Variants in MELK observed in about 807,000 individuals in gnomAD.
The protein encoded by MELK is pEg3 kinase.
A neutral mutation model predicts 85.0 loss-of-function variants in MELK; 81 were observed. That is an observed-to-expected ratio of 0.95 (90% CI 0.80 to 1.15). The LOEUF is 1.15. Ranked by LOEUF, MELK falls within the 50% of genes most tolerant of loss-of-function variation. MELK has a pLI of 0.00. For missense variants in MELK, 754 were observed against 777.5 expected (o/e 0.97, Z 0.36); for synonymous variants, 252 against 265.0 (o/e 0.95, Z 0.48).
chr9:36,591,030 TG>T (rs1318279097), intron 4 of MELK, among the ~76,000 whole-genome samples: 1 of 152,140 alleles, frequency 6.6e-6, no homozygotes, highest in Non-Finnish European at 1.5e-5. Context: ...AGTTTGAAGC[TG>T]CAGTGAGCCA....
intron 8 of MELK, among the ~76,000 whole-genome samples, chr9:36,614,788 G>A (rs1826418644): frequency 1.5e-5 from 2 of 135,070 alleles, no homozygotes; most frequent in South Asian, 2.6e-4. Context: ...CCAAGGCAGA[G>A]GAATTTTTCT....
At chr9:36,660,378 T>A (rs1831675617) in intron 13 of MELK, among the ~76,000 whole-genome samples, 1 of 152,100 alleles carries the variant, frequency 6.6e-6, no homozygotes. Context: ...AGTCCAGTGG[T>A]GTGATCATGG....
At chr9:36,635,978 G>GTA (rs1333217585) in intron 10 of MELK, among the ~76,000 whole-genome samples, 1 of 151,474 alleles carries the variant, frequency 6.6e-6, no homozygotes, top group Non-Finnish European at 1.5e-5. Context: ...TATATTTTTA[G>GTA]TAGAGACGGG....
chr9:36,589,570 C>T lies in MELK; in HGVS notation c.179C>T (p.Ala60Val), dbSNP rs1322505698. ...CCCCGGATCAAAACGGAGATTGAGG[C>T]CTTGAAGAACCTGAGACATCAGCAT... ...DLPRIKTEIE[A>V]LKNLRHQHIC... The change falls in exon 4 of 18, where the codon GCC (alanine) becomes GTC (valine). Residue 60 changes from alanine (A) to valine (V), a missense_variant. By Grantham distance (64) the Ala-to-Val change is moderately conservative. Transcript: ENST00000298048. 1 of 1,613,974 alleles carries T rather than the reference C, an allele frequency of 6.2e-7. No individual in the cohort carries two copies. The highest frequency in any genetic ancestry group is 8.5e-7 in the Non-Finnish European group (1 of 1,179,920).
chr9:36,659,117 G>A (rs1790998473), intron 13 of MELK, among the ~76,000 whole-genome samples: 2 of 152,060 alleles, frequency 1.3e-5, no homozygotes, highest in South Asian at 4.1e-4. Flanking sequence ...TCCTGACCTT[G>A]TGATCCGCCC....
chr9:36,671,928 G>T (rs1587637782), intron 16 of MELK, among the ~76,000 whole-genome samples: 1 of 152,296 alleles, frequency 6.6e-6, no homozygotes, highest in East Asian at 1.9e-4. Context: ...CTGGGATGTT[G>T]TTCTGAAACA....
At chr9:36,615,251 C>T (rs1266224767) in intron 8 of MELK, among the ~76,000 whole-genome samples, 35 of 125,342 alleles carry the variant, frequency 2.8e-4, no homozygotes, top group Non-Finnish European at 4.7e-4. Flanking sequence ...GGGGGGCTGA[C>T]CCCCCCACCT....
At chr9:36,660,675 A>G (rs116842820) in intron 13 of MELK, among the ~76,000 whole-genome samples, 6,602 of 150,430 alleles carry the variant, frequency 0.044, 433 homozygotes, top group East Asian at 0.26. Context: ...CATACTGGGC[A>G]GGCTCTGAGT....
chr9:36,657,216 A>G, intron 12 of MELK, 25 bp from the exon 13 acceptor site: 1 of 1,597,874 alleles, frequency 6.3e-7, no homozygotes, highest in Non-Finnish European at 8.5e-7. Flanking sequence ...GTCATCTTTA[A>G]GTTCTTCTGT....
At chr9:36,639,759 C>T (rs1829578057) in intron 10 of MELK, among the ~76,000 whole-genome samples, 1 of 152,168 alleles carries the variant, frequency 6.6e-6, no homozygotes, top group African/African-American at 2.4e-5. Flanking sequence ...GATAGTAGAA[C>T]CTCCTTCTTC....
At chr9:36,616,383 A>G (rs1826786955) in intron 8 of MELK, among the ~76,000 whole-genome samples, 1 of 125,940 alleles carries the variant, frequency 7.9e-6, no homozygotes. Flanking sequence ...TAGCATGTCA[A>G]ACTCTTTTTT....
chr9:36,626,872 T>C lies in MELK; in HGVS notation c.667-3427T>C, dbSNP rs576864855. ...TACTCTGCAGGCTGAGGCAGGAGAA[T>C]TGCTTGAACCCGGGAGGCAGAGGCT... is the stretch of plus-strand genomic sequence containing the variant. On this transcript the variant is annotated intron_variant, in intron 8 of 17. Transcript: ENST00000298048. Among the ~76,000 whole-genome samples, 68 of 150,884 alleles carry C rather than the reference T, an allele frequency of 4.5e-4. 1 individual carries two copies. In the South Asian group the frequency reaches 0.013, roughly 29 times the overall value.
At chr9:36,616,024 C>T (rs1255468619) in intron 8 of MELK, among the ~76,000 whole-genome samples, 1 of 152,132 alleles carries the variant, frequency 6.6e-6, no homozygotes, top group Non-Finnish European at 1.5e-5. Context: ...TGCCCTCGGG[C>T]CCCGCGGGGC....
chr9:36,667,487 G>A (rs1832493760), intron 14 of MELK, among the ~76,000 whole-genome samples: 1 of 152,160 alleles, frequency 6.6e-6, no homozygotes, highest in South Asian at 2.1e-4. Context: ...AAATTTTAAT[G>A]CCATAATCCC....
intron 4 of MELK, among the ~76,000 whole-genome samples, chr9:36,592,774 G>A (rs1823763310): frequency 6.6e-6 from 1 of 151,790 alleles, no homozygotes; most frequent in South Asian, 2.1e-4. Context: ...AAAACTTACT[G>A]TATAACATTA....
intron 1 of MELK, among the ~76,000 whole-genome samples, chr9:36,574,385 G>A (rs1465960602): frequency 7.2e-6 from 1 of 138,966 alleles, no homozygotes; most frequent in Non-Finnish European, 1.5e-5. Context: ...AGGAGTTCTA[G>A]ACCAGCCTGG....
At chr9:36,643,166 T>C (rs1371733660) in intron 11 of MELK, 83 bp downstream of exon 11, 1 of 1,154,652 alleles carries the variant, frequency 8.7e-7, no homozygotes, top group African/African-American at 1.6e-5. Context: ...GAGGATCACT[T>C]GAGGTCAGGA....
chr9:36,578,825 T>C (rs1488914617), intron 1 of MELK, among the ~76,000 whole-genome samples: 1 of 152,030 alleles, frequency 6.6e-6, no homozygotes, highest in Admixed American at 6.6e-5. Flanking sequence ...TTTCAGTATT[T>C]AGTATAGATA....
intron 8 of MELK, among the ~76,000 whole-genome samples, chr9:36,616,492 C>T (rs1826821983): frequency 6.7e-6 from 1 of 150,336 alleles, no homozygotes; most frequent in Non-Finnish European, 1.5e-5. Context: ...CAGGTTCAAG[C>T]GATTCTTCTG....
Sources: gnomAD v4.1 joint callset for allele counts (sites outside exome capture counted in the v4.1 genomes callset) on GRCh38, gnomAD v4.1.1 for gene constraint, MANE v1.5 for transcripts, NCBI Gene and HGNC (gene_info 2026-07-23, HGNC 2026-07-21) for gene names.